The following PDE4D variants were observed in gnomAD, a reference collection of about 807,000 sequenced individuals.
PDE4D encodes the protein phosphodiesterase 4D.
Under a neutral mutation model 87.4 loss-of-function variants are expected in PDE4D, and 24 were observed. That is an observed-to-expected ratio of 0.27 (90% CI 0.20 to 0.39). The LOEUF (loss-of-function observed/expected upper bound fraction) is 0.39. PDE4D is among the 10% of genes least tolerant of loss of function. The pLI is 1.00. For synonymous variants in PDE4D, 384 were observed against 383.2 expected, an observed-to-expected ratio of 1.00 and a Z score of -0.02; for missense variants, 714 against 1,041.0, an observed-to-expected ratio of 0.69 and a Z score of 4.32.
intron 2 of PDE4D, among the ~76,000 whole-genome samples, chr5:60,045,612 A>C (rs1280537008): frequency 2.6e-5 from 4 of 152,216 alleles, no homozygotes; most frequent in Non-Finnish European, 4.4e-5. Context: ...CCATTTATTA[A>C]ATAGGGAATC....
At chr5:60,308,974 T>C (rs1373747582) in intron 1 of PDE4D, among the ~76,000 whole-genome samples, 1 of 152,102 alleles carries the variant, frequency 6.6e-6, no homozygotes, top group African/African-American at 2.4e-5. Context: ...CCAAGTAGAA[T>C]AGGTATTTAT....
chr5:59,507,212 G>T (rs564780861), intron 1 of PDE4D, among the ~76,000 whole-genome samples: 80 of 151,956 alleles, frequency 5.3e-4, no homozygotes, highest in Admixed American at 1.4e-3. Context: ...GGTGCCTGTA[G>T]ACCCAACTAC....
chr5:59,163,467 C>G (rs1460879449), intron 5 of PDE4D, among the ~76,000 whole-genome samples: 1 of 152,072 alleles, frequency 6.6e-6, no homozygotes, highest in Non-Finnish European at 1.5e-5. Context: ...GACGGGGTTT[C>G]TCCATGTTGG....
At chr5:59,303,761 A>G (rs1270283411) in intron 1 of PDE4D, among the ~76,000 whole-genome samples, 1 of 152,008 alleles carries the variant, frequency 6.6e-6, no homozygotes, top group African/African-American at 2.4e-5. Context: ...GTCTATTTTT[A>G]TACCAGTACC....
chr5:59,288,773 C>A (rs914903069), intron 1 of PDE4D, among the ~76,000 whole-genome samples: 1 of 151,974 alleles, frequency 6.6e-6, no homozygotes, highest in Admixed American at 6.6e-5. Context: ...CAGTGGAAAC[C>A]TTATAGGGCA....
chr5:60,459,728 A>ATCTCGGTGGTC, intron 1 of PDE4D: 11 of 378,346 alleles, frequency 2.9e-5, no homozygotes, highest in South Asian at 6.5e-5. Context: ...CATGGTGTAG[A>ATCTCGGTGGTC]GCAAAGAGAC....
At chr5:60,474,149 T>TATATATATATATAA (rs1212803987) in intron 1 of PDE4D, among the ~76,000 whole-genome samples, 8 of 94,408 alleles carry the variant, frequency 8.5e-5, no homozygotes, top group South Asian at 6.7e-4. Flanking sequence ...TATATATATA[T>TATATATATATATAA]AACAAAAACC....
At chr5:60,103,980 T>C (rs949283237) in intron 2 of PDE4D, among the ~76,000 whole-genome samples, 12 of 152,138 alleles carry the variant, frequency 7.9e-5, no homozygotes, top group Admixed American at 2.0e-4. Context: ...ACCAGGTTCA[T>C]CTCACTAGGG....
chr5:60,034,006 T>C (rs1015194911), intron 2 of PDE4D, among the ~76,000 whole-genome samples: 14 of 152,220 alleles, frequency 9.2e-5, no homozygotes, highest in Non-Finnish European at 1.8e-4. Flanking sequence ...AGGACTCTTT[T>C]CTTAGCTAGC....
chr5:59,242,662 A>G (rs1392697413), intron 1 of PDE4D, among the ~76,000 whole-genome samples: 1 of 152,182 alleles, frequency 6.6e-6, no homozygotes, highest in Non-Finnish European at 1.5e-5. Context: ...AACGATAATG[A>G]GTTCACATTT....
chr5:59,041,423 G>A (rs899559441), intron 5 of PDE4D, among the ~76,000 whole-genome samples: 5 of 152,120 alleles, frequency 3.3e-5, no homozygotes, highest in African/African-American at 1.2e-4. Context: ...CCATGGTAGT[G>A]CATCTACTAT....
chr5:59,991,909 TCTGTGA>T (rs1321096739), intron 2 of PDE4D, among the ~76,000 whole-genome samples: 1 of 152,168 alleles, frequency 6.6e-6, no homozygotes, highest in African/African-American at 2.4e-5. Flanking sequence ...CCTGGGTGTG[TCTGTGA>T]GGGTGTTACC....
chr5:58,984,905 GATTTATTTATTT>G (rs756971783), intron 11 of PDE4D, among the ~76,000 whole-genome samples: 1 of 151,846 alleles, frequency 6.6e-6, no homozygotes, highest in Non-Finnish European at 1.5e-5. Context: ...ACATTTTATG[GATTTATTTATTT>G]ATTTATTTAT....
intron 1 of PDE4D, among the ~76,000 whole-genome samples, chr5:59,794,281 CCTAT>C (rs1223695188): frequency 6.6e-6 from 1 of 152,102 alleles, no homozygotes; most frequent in Non-Finnish European, 1.5e-5. Flanking sequence ...GAAGAGTAAT[CCTAT>C]CTGAGACAGA....
chr5:59,416,797 T>C (rs1793685717), intron 1 of PDE4D, among the ~76,000 whole-genome samples: 1 of 152,170 alleles, frequency 6.6e-6, no homozygotes, highest in South Asian at 2.1e-4. Flanking sequence ...GCTTTTTCCA[T>C]TTTCTATGCC....
chr5:60,055,119 T>C (rs1770634330), intron 2 of PDE4D, among the ~76,000 whole-genome samples: 1 of 152,148 alleles, frequency 6.6e-6, no homozygotes, highest in African/African-American at 2.4e-5. Flanking sequence ...TCCCAGCAGC[T>C]AGGAGCCTTG....
At chr5:59,662,398 T>C (rs541072121) in intron 1 of PDE4D, among the ~76,000 whole-genome samples, 2 of 152,328 alleles carry the variant, frequency 1.3e-5, no homozygotes, top group South Asian at 4.1e-4. Context: ...ATGGAGCAGA[T>C]GGAGTGATTA....
intron 2 of PDE4D, among the ~76,000 whole-genome samples, chr5:60,116,502 T>C (rs995457414): frequency 1.7e-4 from 26 of 152,100 alleles, no homozygotes; most frequent in African/African-American, 6.3e-4. Flanking sequence ...ACCAACGTGT[T>C]GTCCCAGATA....
At chr5:59,245,912 G>A (rs1289576538) in intron 1 of PDE4D, among the ~76,000 whole-genome samples, 1 of 151,904 alleles carries the variant, frequency 6.6e-6, no homozygotes, top group African/African-American at 2.4e-5. Context: ...GGATATTTCA[G>A]GTCTCTCAAA....
Sources: allele counts gnomAD v4.1 joint callset (sites outside exome capture counted in the v4.1 genomes callset), GRCh38; gene constraint gnomAD v4.1.1; transcripts MANE v1.5; gene names NCBI Gene and HGNC (gene_info 2026-07-23, HGNC 2026-07-21).